Variants in ZNF91 observed in about 807,000 individuals in gnomAD.
ZNF91 encodes zinc finger protein 91.
In ZNF91, 7 loss-of-function variants were observed where a neutral mutation model predicts 12.6. That is an observed-to-expected ratio of 0.55 (90% CI 0.31 to 1.04). The LOEUF is 1.04. Among genes scored for constraint, ZNF91 ranks in the 50% least tolerant of loss-of-function variants. The probability of loss-of-function intolerance (pLI) is 0.05; values close to 1 mark genes in which losing one functional copy is unlikely to be tolerated. For synonymous variants in ZNF91, 453 were observed against 462.6 expected, an observed-to-expected ratio of 0.98 and a Z score of 0.27; for missense variants, 1,217 against 1,385.4, an observed-to-expected ratio of 0.88 and a Z score of 1.93.
chr19:23,373,830 A>G lies in ZNF91; in HGVS notation c.165T>C (p.Ala55=), dbSNP rs1342450997. 1 of 1,596,700 alleles carries G rather than the reference A, an allele frequency of 6.3e-7. No individual in the cohort carries two copies. The highest frequency in any genetic ancestry group is 8.5e-7 in the Non-Finnish European group (1 of 1,172,540). Residue 55 remains alanine (A), a synonymous_variant, in exon 3 of 4, where the codon GCT becomes GCC. Transcript: ENST00000300619. ...AAGTAATCAGGTCTGGCTTAGAGAGAGCAATACCTGTTTTATTAAAAATAA... is the reference window on the plus strand; with the variant it reads ...AAGTAATCAGGTCTGGCTTAGAGAGGGCAATACCTGTTTTATTAAAAATAA... ...NYRNLAFLGI[A]LSKPDLITYL... is the part of the protein sequence containing the mutation.
At chr19:23,308,727 GGACTTTATTCTT>G (rs1967429784) in intron 2 of ZNF91, 1 of 152,148 alleles carries the variant, frequency 6.6e-6, no homozygotes, top group African/African-American at 2.4e-5. Flanking sequence ...CTAGGTTATG[GGACTTTATTCTT>G]TTTTGTGAAT....
chr19:23,333,365 A>G (rs1186930698), intron 1 of ZNF91, among the ~76,000 whole-genome samples: 1 of 152,198 alleles, frequency 6.6e-6, no homozygotes, highest in Non-Finnish European at 1.5e-5. Context: ...TCATAACGTG[A>G]TATGAGCCAA....
At chr19:23,344,656 C>T (rs1242707058) in intron 3 of ZNF91, among the ~76,000 whole-genome samples, 1 of 152,120 alleles carries the variant, frequency 6.6e-6, no homozygotes, top group East Asian at 1.9e-4. Flanking sequence ...TCAGATGGAA[C>T]CTAAACGGTG....
chr19:23,370,792 C>T (rs997327062), intron 3 of ZNF91, among the ~76,000 whole-genome samples: 2 of 152,128 alleles, frequency 1.3e-5, no homozygotes, highest in African/African-American at 4.8e-5. Flanking sequence ...AGAAGTGAGC[C>T]ACCACCATGC....
rs1239061378 is a variant in ZNF91 at position 23,383,589 on chromosome 19, G to A, written c.31-8825C>T. ...TGTAATCCCAGCTACTCAAGAGGCC[G>A]AGGAAGGAGAATCGCTTGAACCCAG... is the stretch of plus-strand genomic sequence containing the variant. On this transcript the variant is annotated intron_variant, in intron 1 of 3. Coordinates refer to ENST00000300619, the MANE Select transcript of ZNF91 (RefSeq NM_003430.4). Among the ~76,000 whole-genome samples the A allele has an allele frequency of 3.9e-5, 6 of 151,988 alleles. No homozygotes were observed. In the East Asian group the frequency reaches 7.7e-4, roughly 20 times the overall value.
exon 2 of ZNF91, chr19:23,309,091 C>T (rs1196788568): frequency 4.2e-5 from 6 of 143,950 alleles, no homozygotes; most frequent in South Asian, 2.2e-4. Context: ...TCTCTTCTGT[C>T]TGGGCCCTGC....
chr19:23,374,210 C>T (rs1969411279), intron 2 of ZNF91, among the ~76,000 whole-genome samples: 1 of 151,656 alleles, frequency 6.6e-6, no homozygotes, highest in South Asian at 2.1e-4. Context: ...CAAACAAATC[C>T]CCAGGATTTT....
Position 23,362,566 on chromosome 19 carries a change from C to A in ZNF91, c.413G>T (p.Gly138Val). The change falls in exon 4 of 4, where the codon GGT becomes GTT. Residue 138 changes from glycine to valine, a missense_variant. Transcript: ENST00000300619. ...GAGACACTGGTTAAGTTTATTATAA[C>A]CTTCTTTGTGCACCTTACACTCATC... ...SVDECKVHKEGYNKLNQCLTT... is the reference protein window; with the variant it reads ...SVDECKVHKEVYNKLNQCLTT... The A allele has an allele frequency of 6.2e-7, 1 of 1,601,996 alleles. No individual in the cohort carries two copies. Among genetic ancestry groups the A allele is most frequent in the South Asian group, 1.1e-5 (1 of 89,014 alleles).
At chr19:23,376,800 T>C (rs1333033554) in intron 1 of ZNF91, among the ~76,000 whole-genome samples, 1 of 152,026 alleles carries the variant, frequency 6.6e-6, no homozygotes, top group African/African-American at 2.4e-5. Context: ...CGAGGCAGAG[T>C]GGACACAGCT....
At chr19:23,369,673 T>G (rs1349023881) in intron 3 of ZNF91, among the ~76,000 whole-genome samples, 1 of 152,170 alleles carries the variant, frequency 6.6e-6, no homozygotes, top group African/African-American at 2.4e-5. Flanking sequence ...AAAATTCTTC[T>G]GCCTTGGGAT....
intron 3 of ZNF91, among the ~76,000 whole-genome samples, chr19:23,350,706 G>T (rs1353939706): frequency 6.6e-6 from 1 of 152,150 alleles, no homozygotes; most frequent in African/African-American, 2.4e-5. Flanking sequence ...TGTCCAAGTA[G>T]CGTGCATCAG....
In ZNF91 at chr19:23,360,684, A is replaced by G; in HGVS notation, c.2295T>C (p.Thr765=). The G allele has an allele frequency of 1.2e-6, 2 of 1,613,910 alleles. No homozygotes were observed. The highest frequency in any genetic ancestry group is 1.1e-5 in the South Asian group (1 of 91,060). ...SSLTKHKRIH[T]REKPFKCKEC... ...CTTTACATTTGAAGGGTTTCTCTCT[A>G]GTATGAATTCTTTTATGTTTAGTAA... Residue 765 remains threonine (T), a synonymous_variant, in exon 4 of 4, where the codon ACT becomes ACC. Coordinates refer to ENST00000300619, the MANE Select transcript of ZNF91 (RefSeq NM_003430.4).
chr19:23,334,883 A>G (rs1415823942), downstream of ZNF91, among the ~76,000 whole-genome samples: 3 of 152,262 alleles, frequency 2.0e-5, no homozygotes, highest in Non-Finnish European at 1.5e-5. Flanking sequence ...AAACATATAT[A>G]AAACCAAGTT....
At chr19:23,307,987 A>T (rs1323174391) in intron 2 of ZNF91, 1 of 152,230 alleles carries the variant, frequency 6.6e-6, no homozygotes, top group East Asian at 1.9e-4. Context: ...GGTCCTGCCC[A>T]CAAAACTATT....
chr19:23,390,883 A>G (rs924778844), intron 1 of ZNF91, among the ~76,000 whole-genome samples: 9 of 152,204 alleles, frequency 5.9e-5, no homozygotes, highest in Non-Finnish European at 2.9e-5. Flanking sequence ...TGATCATACC[A>G]TATTTTCTTT....
In ZNF91 at chr19:23,395,450, A is replaced by G. The variant is rs2145152661; in HGVS notation, c.-96T>C. On this transcript the variant is annotated 5_prime_UTR_variant, in exon 1 of 4. Transcript: ENST00000300619. ...CAGAGCAGTGAAGTCGAGACCTGGA[A>G]ACTCCGGCGGCAGCGAGAGACAAAG... The G allele has an allele frequency of 6.8e-7, 1 of 1,469,914 alleles. No homozygotes were observed. The highest frequency in any genetic ancestry group is 9.3e-7 in the Non-Finnish European group (1 of 1,074,324). The allele number at this position is 1,469,914 out of a possible 1,614,324, so 91.1% of individuals were successfully genotyped here. A position where few individuals can be genotyped will look rare whatever the true frequency, so the allele number is the denominator to read the frequency against.
At chr19:23,336,754 A>C (rs1017335520), downstream of ZNF91, among the ~76,000 whole-genome samples, 1 of 152,140 alleles carries the variant, frequency 6.6e-6, no homozygotes, top group Non-Finnish European at 1.5e-5. Flanking sequence ...CTATCTGCCT[A>C]AATTATTTAT....
At position 23,359,033 on chromosome 19, in the gene ZNF91, A is replaced by G; in HGVS notation, c.*370T>C. 2 of 522,902 alleles carry G rather than the reference A, an allele frequency of 3.8e-6. No individual in the cohort carries two copies. The highest frequency in any genetic ancestry group is 7.4e-6 in the Non-Finnish European group (2 of 268,732). 32.4% of individuals were successfully genotyped at this position (522,902 alleles called of 1,614,324 possible). A position where few individuals can be genotyped will look rare whatever the true frequency, so the allele number is the denominator to read the frequency against. On this transcript the variant is annotated 3_prime_UTR_variant, in exon 4 of 4. Coordinates refer to ENST00000300619, the MANE Select transcript of ZNF91 (RefSeq NM_003430.4). ...GCTTTGCCAAATTTTTCCTGTTTGT[A>G]GGGTTGCTGTCCAGTATGAATTTTC...
intron 3 of ZNF91, among the ~76,000 whole-genome samples, chr19:23,363,029 A>G (rs968605009): frequency 3.3e-5 from 5 of 152,192 alleles, no homozygotes; most frequent in African/African-American, 1.2e-4. Context: ...TGTAACAAAA[A>G]CATACAGATC....
Sources: gnomAD v4.1 joint callset for allele counts (sites outside exome capture counted in the v4.1 genomes callset) on GRCh38, gnomAD v4.1.1 for gene constraint, MANE v1.5 for transcripts, NCBI Gene and HGNC (gene_info 2026-07-23, HGNC 2026-07-21) for gene names.